Variants in KIAA1328 observed in about 807,000 individuals in gnomAD.
KIAA1328 encodes the protein protein hinderin.
KIAA1328 carries 52 observed loss-of-function variants against 68.1 expected under a neutral mutation model. That is an observed-to-expected ratio of 0.76 (90% CI 0.61 to 0.96). The LOEUF is 0.96. Ranked by LOEUF, KIAA1328 falls within the 40% of genes least tolerant of loss-of-function variation. KIAA1328 has a pLI of 0.00. For missense variants in KIAA1328, 641 were observed against 677.6 expected, an observed-to-expected ratio of 0.95 and a Z score of 0.60; for synonymous variants, 232 against 239.4, an observed-to-expected ratio of 0.97 and a Z score of 0.28.
chr18:36,936,821 A>G (rs1485690723), intron 5 of KIAA1328, among the ~76,000 whole-genome samples: 4 of 152,134 alleles, frequency 2.6e-5, no homozygotes, highest in African/African-American at 2.4e-5. Flanking sequence ...CTGGCATGAG[A>G]TGGTGTCTTA....
chr18:37,029,039 G>A (rs2054712163), intron 6 of KIAA1328, among the ~76,000 whole-genome samples: 1 of 152,088 alleles, frequency 6.6e-6, no homozygotes, highest in Non-Finnish European at 1.5e-5. Flanking sequence ...TATAGAATGA[G>A]TTAGGGTCAA....
intron 7 of KIAA1328, among the ~76,000 whole-genome samples, chr18:37,082,570 G>C (rs1340808867): frequency 1.3e-5 from 2 of 152,170 alleles, no homozygotes; most frequent in Admixed American, 6.5e-5. Flanking sequence ...TATTGGGAAG[G>C]CAATCTAATT....
chr18:37,003,115 G>T (rs2053650946), intron 6 of KIAA1328, among the ~76,000 whole-genome samples: 1 of 152,086 alleles, frequency 6.6e-6, no homozygotes, highest in Non-Finnish European at 1.5e-5. Context: ...TTCAAAAGTA[G>T]TGCTGGGAAA....
chr18:36,957,438 A>G (rs561219914), intron 5 of KIAA1328, among the ~76,000 whole-genome samples: 1 of 152,222 alleles, frequency 6.6e-6, no homozygotes, highest in South Asian at 2.1e-4. Flanking sequence ...CTTGGGTAGG[A>G]CTATTTGTCT....
At chr18:37,182,090 A>T (rs985774020) in intron 9 of KIAA1328, among the ~76,000 whole-genome samples, 1 of 152,176 alleles carries the variant, frequency 6.6e-6, no homozygotes, top group Non-Finnish European at 1.5e-5. Flanking sequence ...ACTGCTATGA[A>T]TGGTGACATC....
chr18:36,901,910 A>G (rs905427075), intron 5 of KIAA1328: 3 of 152,066 alleles, frequency 2.0e-5, no homozygotes, highest in Non-Finnish European at 4.4e-5. Context: ...CAGGCAAGAA[A>G]TATGATAAGG....
At chr18:36,955,288 C>T (rs567074026) in intron 5 of KIAA1328, among the ~76,000 whole-genome samples, 10 of 150,486 alleles carry the variant, frequency 6.6e-5, no homozygotes, top group South Asian at 4.3e-4. Flanking sequence ...CCACCACACC[C>T]GGCTAATTTT....
In KIAA1328 at chr18:37,069,486, G is replaced by A. The variant is rs191002074; in HGVS notation, c.1232+1941G>A. ...TGTTTTCCTTTTTCTTTTTTCCCCT[G>A]TGTCCTTGTCTTGTTTCGGTATCAA... On this transcript the variant is annotated intron_variant, in intron 7 of 9. Transcript: ENST00000280020. 4.6e-5 allele frequency among the ~76,000 whole-genome samples: 7 copies of A among 151,832 alleles called. No individual in the cohort carries two copies. The East Asian group carries it at 1.2e-3, about 25-fold the overall frequency.
intron 6 of KIAA1328, among the ~76,000 whole-genome samples, chr18:36,989,722 T>C (rs1419136572): frequency 6.6e-6 from 1 of 151,894 alleles, no homozygotes; most frequent in South Asian, 2.1e-4. Flanking sequence ...TGAGACGGAG[T>C]CTAGCTCTGT....
At chr18:37,189,444 G>T (rs905715483) in intron 9 of KIAA1328, among the ~76,000 whole-genome samples, 2 of 152,080 alleles carry the variant, frequency 1.3e-5, no homozygotes, top group Admixed American at 1.3e-4. Context: ...TCATATCAGA[G>T]GTTTAAGATG....
chr18:36,966,430 G>A (rs1357082284), intron 6 of KIAA1328, among the ~76,000 whole-genome samples: 1 of 152,106 alleles, frequency 6.6e-6, no homozygotes, highest in African/African-American at 2.4e-5. Flanking sequence ...TAAAGATCGT[G>A]TGTGTGTGTA....
Position 36,898,663 on chromosome 18 carries a change from C to T in KIAA1328, c.448+12991C>T, listed in dbSNP as rs116543004. On this transcript the variant is annotated intron_variant, in intron 5 of 9. Coordinates refer to ENST00000280020, the MANE Select transcript of KIAA1328 (RefSeq NM_020776.3). ...CAGCAATTTTAGGCTGGTATAGTGA[C>T]GCCGCAGATTATAGGGAGCCACACT... 5.2e-3 allele frequency among the ~76,000 whole-genome samples: 798 copies of T among 152,094 alleles called. 11 individuals are homozygous for T. The highest frequency in any genetic ancestry group is 0.018 in the African/African-American group (730 of 41,546).
chr18:36,876,097 T>C (rs1223678096), intron 4 of KIAA1328, among the ~76,000 whole-genome samples: 5 of 152,224 alleles, frequency 3.3e-5, no homozygotes, highest in Non-Finnish European at 5.9e-5. Flanking sequence ...TTCCCATCGA[T>C]GTTCATCAGG....
At chr18:36,930,604 G>C (rs1317666227) in intron 5 of KIAA1328, among the ~76,000 whole-genome samples, 2 of 152,080 alleles carry the variant, frequency 1.3e-5, no homozygotes, top group African/African-American at 4.8e-5. Flanking sequence ...ATGGATAGGA[G>C]TATATTCTTT....
rs529647870 is a variant in KIAA1328, at chr18:37,174,039, A to C, written c.1523+958A>C. The stretch of plus-strand genomic sequence containing the variant: ...AACTTTTGAGAAATGACTCCAACAC[A>C]AAAGATAATAACAATAGCTACCATC... On this transcript the variant is annotated intron_variant, in intron 9 of 9. Coordinates refer to ENST00000280020, the MANE Select transcript of KIAA1328 (RefSeq NM_020776.3). Among the ~76,000 whole-genome samples, 66 of 152,336 alleles carry C rather than the reference A, an allele frequency of 4.3e-4. 1 individual carries two copies. The highest frequency in any genetic ancestry group is 1.6e-3 in the African/African-American group (66 of 41,576).
chr18:37,212,386 A>G (rs1429500071), intron 9 of KIAA1328, among the ~76,000 whole-genome samples: 1 of 152,190 alleles, frequency 6.6e-6, no homozygotes, highest in Non-Finnish European at 1.5e-5. Flanking sequence ...TCCATGCCTG[A>G]GAAAGTAGTC....
intron 6 of KIAA1328, among the ~76,000 whole-genome samples, chr18:36,989,532 C>T (rs1235671063): frequency 6.6e-6 from 1 of 152,104 alleles, no homozygotes; most frequent in African/African-American, 2.4e-5. Flanking sequence ...TTATTCCCAT[C>T]CAACATAGCT....
intron 7 of KIAA1328, among the ~76,000 whole-genome samples, chr18:37,151,696 A>C (rs1470504711): frequency 6.6e-6 from 1 of 152,186 alleles, no homozygotes; most frequent in Non-Finnish European, 1.5e-5. Context: ...TTTTTAAACA[A>C]GTAATGCTAG....
chr18:37,016,478 T>G (rs2054157103), intron 6 of KIAA1328, among the ~76,000 whole-genome samples: 1 of 152,064 alleles, frequency 6.6e-6, no homozygotes, highest in Non-Finnish European at 1.5e-5. Flanking sequence ...CAGGATGATA[T>G]TGGCTTTGTA....
Sources: allele counts gnomAD v4.1 joint callset (sites outside exome capture counted in the v4.1 genomes callset), GRCh38; gene constraint gnomAD v4.1.1; transcripts MANE v1.5; gene names NCBI Gene and HGNC (gene_info 2026-07-23, HGNC 2026-07-21).